ATP8B4: variants seen among roughly 807,000 people sequenced by gnomAD.
ATP8B4 encodes probable phospholipid-transporting ATPase IM.
In ATP8B4, 133 loss-of-function variants were observed where a neutral mutation model predicts 145.6. The ratio of observed to expected loss-of-function variants is 0.91; its 90% confidence interval spans 0.79 to 1.05. The LOEUF is 1.05. Among genes scored for constraint, ATP8B4 ranks in the 50% least tolerant of loss-of-function variants. The probability of loss-of-function intolerance (pLI) is 0.00; values close to 1 mark genes in which losing one functional copy is unlikely to be tolerated. For synonymous variants in ATP8B4, 507 were observed against 492.9 expected, an observed-to-expected ratio of 1.03 and a Z score of -0.38; for missense variants, 1,458 against 1,425.2, an observed-to-expected ratio of 1.02 and a Z score of -0.37.
chr15:49,923,420 A>T lies in ATP8B4; in HGVS notation c.1717T>A (p.Ser573Thr), dbSNP rs1240178552. Residue 573 changes from serine (S) to threonine (T), a missense_variant, in exon 17 of 28, where the codon TCC becomes ACC. Coordinates refer to ENST00000284509, the MANE Select transcript of ATP8B4 (RefSeq NM_024837.4). ...GTCAAAGACAAAAGGACTTCATTGG[A>T]AGGATGAAGTTTTTCAAACAGAATA... The part of the protein sequence containing the change: ...DTILFEKLHP[S>T]NEVLLSLTSD... The T allele has an allele frequency of 3.1e-6, 5 of 1,613,430 alleles. No individual in the cohort carries two copies. The highest frequency in any genetic ancestry group is 1.3e-5 in the African/African-American group (1 of 74,882).
chr15:49,939,046 G>T (rs182933212), intron 14 of ATP8B4, among the ~76,000 whole-genome samples: 55 of 152,150 alleles, frequency 3.6e-4, no homozygotes, highest in African/African-American at 1.3e-3. Context: ...AAAATTATTT[G>T]AAATAAATGA....
rs118182591 is a variant in ATP8B4, at chr15:49,926,278, C to G, written c.1643-2784G>C. 2.4e-4 allele frequency among the ~76,000 whole-genome samples: 37 copies of G among 152,162 alleles called. No homozygotes were observed. In the East Asian group the frequency reaches 7.1e-3, roughly 29 times the overall value. On this transcript the variant is annotated intron_variant, in intron 16 of 27. Transcript: ENST00000284509. ...AATAATTAGCTACTCCTCTTATATC[C>G]CCAGTCTTAGTAATCAGCTTCACCA...
rs936820905 is a variant in ATP8B4 at position 49,995,255 on chromosome 15, G to A, written c.589+1422C>T. On this transcript the variant is annotated intron_variant, in intron 9 of 27. Coordinates refer to ENST00000284509, the MANE Select transcript of ATP8B4 (RefSeq NM_024837.4). ...TAGAGGTATAAAGGTAAATTCTGCCGGGAAAGAAATGAGTAATAGTAAATT... is the reference window on the plus strand; with the variant it reads ...TAGAGGTATAAAGGTAAATTCTGCCAGGAAAGAAATGAGTAATAGTAAATT... Among the ~76,000 whole-genome samples the A allele has an allele frequency of 1.5e-4, 23 of 152,212 alleles. No individual in the cohort carries two copies. The South Asian group carries it at 1.7e-3, about 11-fold the overall frequency.
chr15:50,077,169 C>T (rs1048429823), intron 2 of ATP8B4, among the ~76,000 whole-genome samples: 2 of 152,110 alleles, frequency 1.3e-5, no homozygotes, highest in African/African-American at 4.8e-5. Context: ...CTGAATTTGT[C>T]CAGTTCCAAA....
At chr15:50,052,171 T>TA (rs1460192737) in intron 3 of ATP8B4, among the ~76,000 whole-genome samples, 2 of 152,246 alleles carry the variant, frequency 1.3e-5, no homozygotes, top group African/African-American at 4.8e-5. Flanking sequence ...AGTCATTTCA[T>TA]AGGCTATAGG....
chr15:49,970,970 A>G (rs2045065713), intron 13 of ATP8B4, among the ~76,000 whole-genome samples: 1 of 152,134 alleles, frequency 6.6e-6, no homozygotes, highest in Non-Finnish European at 1.5e-5. Flanking sequence ...AACGCCACAC[A>G]CCTACAACCC....
chr15:49,875,664 C>A (rs538564414), intron 25 of ATP8B4, among the ~76,000 whole-genome samples: 1 of 152,278 alleles, frequency 6.6e-6, no homozygotes, highest in East Asian at 1.9e-4. Flanking sequence ...AAGGCCTCCT[C>A]TCAAGAAATA....
In ATP8B4 at chr15:49,972,570, T is replaced by A; in HGVS notation, c.1243+12A>T. ...AACAATATCGTTAAGAGAAAGGAAC[T>A]GTTTCTCTTACCATAGATTCTCCCA... On this transcript the variant is annotated intron_variant, in intron 13 of 27. Coordinates refer to ENST00000284509, the MANE Select transcript of ATP8B4 (RefSeq NM_024837.4). 6.2e-7 allele frequency: 1 copy of A among 1,603,774 alleles called. No individual in the cohort carries two copies. Among genetic ancestry groups the A allele is most frequent in the South Asian group, 1.1e-5 (1 of 90,372 alleles).
chr15:50,104,727 C>G (rs1311595602), intron 2 of ATP8B4, among the ~76,000 whole-genome samples: 1 of 152,030 alleles, frequency 6.6e-6, no homozygotes, highest in Admixed American at 6.6e-5. Flanking sequence ...TCCTGGGTAT[C>G]TACCCAGAGG....
At chr15:50,052,587 G>T (rs1200261443) in intron 3 of ATP8B4, among the ~76,000 whole-genome samples, 1 of 152,214 alleles carries the variant, frequency 6.6e-6, no homozygotes, top group Non-Finnish European at 1.5e-5. Flanking sequence ...TGGCCCATCG[G>T]GTCAATGACT....
At chr15:50,001,330 T>C (rs1264843571) in intron 8 of ATP8B4, among the ~76,000 whole-genome samples, 2 of 152,212 alleles carry the variant, frequency 1.3e-5, no homozygotes, top group Non-Finnish European at 2.9e-5. Flanking sequence ...TTTAGTTGTG[T>C]CTGAACTGTT....
At chr15:49,934,724 C>T (rs1053065233) in intron 14 of ATP8B4, among the ~76,000 whole-genome samples, 10 of 152,036 alleles carry the variant, frequency 6.6e-5, no homozygotes, top group Admixed American at 5.9e-4. Context: ...TGTCTTTCTA[C>T]AACCAGAAAA....
At chr15:49,866,562 G>T in intron 25 of ATP8B4, 78 bp from the exon 26 acceptor site, 1 of 1,541,864 alleles carries the variant, frequency 6.5e-7, no homozygotes, top group Non-Finnish European at 8.9e-7. Flanking sequence ...TGTTTCGCGA[G>T]AACTGCCCTG....
At chr15:50,095,616 G>T (rs375363170) in intron 2 of ATP8B4, among the ~76,000 whole-genome samples, 2 of 152,028 alleles carry the variant, frequency 1.3e-5, no homozygotes, top group Non-Finnish European at 2.9e-5. Context: ...AACTAGCCAG[G>T]TGTGGTGGCA....
intron 17 of ATP8B4, among the ~76,000 whole-genome samples, chr15:49,922,874 C>G (rs112570525): frequency 1.3e-3 from 205 of 152,304 alleles, no homozygotes; most frequent in African/African-American, 4.4e-3. Context: ...AGTGACTCAT[C>G]ATGATTTATG....
At chr15:50,057,788 T>C (rs1036721269) in intron 3 of ATP8B4, among the ~76,000 whole-genome samples, 2 of 152,250 alleles carry the variant, frequency 1.3e-5, no homozygotes, top group Admixed American at 1.3e-4. Flanking sequence ...GTTCTAGAGC[T>C]AGTAAATGGC....
chr15:50,161,969 T>A, intron 1 of ATP8B4, among the ~76,000 whole-genome samples: 1 of 152,202 alleles, frequency 6.6e-6, no homozygotes, highest in East Asian at 1.9e-4. Context: ...GTTGATGAAG[T>A]CTCTCAGCAT....
chr15:49,932,388 G>C (rs1418816590), intron 15 of ATP8B4, among the ~76,000 whole-genome samples: 4 of 151,784 alleles, frequency 2.6e-5, no homozygotes, highest in African/African-American at 9.7e-5. Flanking sequence ...TTTTTGTATT[G>C]TATTGTTCCA....
intron 9 of ATP8B4, among the ~76,000 whole-genome samples, chr15:49,992,217 T>G (rs2047097749): frequency 6.6e-6 from 1 of 152,200 alleles, no homozygotes; most frequent in Admixed American, 6.6e-5. Flanking sequence ...TGGTACATAG[T>G]GAGTTCTTGC....
Sources: allele counts gnomAD v4.1 joint callset (sites outside exome capture counted in the v4.1 genomes callset), GRCh38; gene constraint gnomAD v4.1.1; transcripts MANE v1.5; gene names NCBI Gene and HGNC (gene_info 2026-07-23, HGNC 2026-07-21).